Variants in CELSR2 observed in about 807,000 individuals in gnomAD.
CELSR2 encodes EGF-like protein 2.
CELSR2 carries 81 observed loss-of-function variants against 251.6 expected under a neutral mutation model. The observed-to-expected ratio is 0.32, with a 90% CI of 0.27 to 0.39. The LOEUF is 0.39. CELSR2 is among the 10% of genes least tolerant of loss of function. The pLI is 1.00. For synonymous variants in CELSR2, 1,721 were observed against 1,670.5 expected (o/e 1.03, Z -0.74); for missense variants, 3,365 against 3,947.7 (o/e 0.85, Z 3.96).
Position 109,269,481 on chromosome 1 carries a change from TGAG to T in CELSR2, c.6874_6876del (p.Glu2292del), listed in dbSNP as rs1656303978. 1 of 1,614,100 alleles carries T rather than the reference TGAG, an allele frequency of 6.2e-7. No homozygotes were observed. The highest frequency in any genetic ancestry group is 8.5e-7 in the Non-Finnish European group (1 of 1,180,014). ...TGGTGAGCATCAGCGTCCATGATGA[TGAG>T]GAGCTTCTGCCCCGGGCCCTGGACA... On this transcript the variant is annotated inframe_deletion, in exon 21 of 34. Coordinates refer to ENST00000271332, the MANE Select transcript of CELSR2 (RefSeq NM_001408.3). The surrounding 1 kb of genome is among the most constrained non-coding windows in gnomAD (Gnocchi z 6.4).
In CELSR2 at chr1:109,251,823, G is replaced by A. The variant is rs1655699590; in HGVS notation, c.1744G>A (p.Ala582Thr). 6.2e-7 allele frequency: 1 copy of A among 1,613,998 alleles called. No individual in the cohort carries two copies. Among genetic ancestry groups the A allele is most frequent in the Admixed American group, 1.7e-5 (1 of 60,002 alleles). Residue 582 changes from alanine (A) to threonine (T), a missense_variant, in exon 1 of 34, where the codon GCT (alanine) becomes ACT (threonine). By Grantham distance (58) the Ala-to-Thr change is moderately conservative. Around this residue, in one of 5 missense-constraint regions of CELSR2, gnomAD observed 704 missense variants for 784.1 expected, o/e 0.90. Coordinates refer to ENST00000271332, the MANE Select transcript of CELSR2 (RefSeq NM_001408.3). This position sits in a 1 kb window ranked among gnomAD's most constrained non-coding sequence, Gnocchi z 4.9. Reference protein sequence around the residue: ...EVDFYSFGVEARDHGTPALTA... With the variant: ...EVDFYSFGVETRDHGTPALTA... Reference sequence around the variant, plus strand: ...TGATTTCTACAGCTTTGGGGTAGAAGCTCGAGACCATGGCACTCCAGCACT... The same window carrying A: ...TGATTTCTACAGCTTTGGGGTAGAAACTCGAGACCATGGCACTCCAGCACT...
chr1:109,266,705 C>G (rs965833016), intron 15 of CELSR2, among the ~76,000 whole-genome samples: 1 of 147,474 alleles, frequency 6.8e-6, no homozygotes, highest in South Asian at 2.2e-4. Context: ...GCCACTGCAC[C>G]CCACCACATT....
chr1:109,257,230 G>A (rs536892324), intron 1 of CELSR2, among the ~76,000 whole-genome samples: 12 of 152,116 alleles, frequency 7.9e-5, no homozygotes, highest in Admixed American at 5.9e-4. Context: ...GTGAGCACCT[G>A]TGGTCTCAGC....
intron 23 of CELSR2, 33 bp from the exon 24 acceptor site, chr1:109,270,393 C>T (rs530412809): frequency 2.4e-5 from 38 of 1,610,722 alleles, no homozygotes; most frequent in Admixed American, 1.7e-4. Context: ...GGGCGGGCCC[C>T]GGTCGCTGAC....
rs373771470 is a variant in CELSR2, at chr1:109,273,256, G to A, written c.8429G>A (p.Arg2810Gln). ...AGTGGCAACGGGGCCCCTGAGGAGC[G>A]GCTGCGGGAGAATGGAGATGCCCTG... ...ESSGNGAPEE[R>Q]LRENGDALSR... The change falls in exon 32 of 34, where the codon CGG (arginine) becomes CAG (glutamine). Residue 2810 changes from arginine to glutamine, a missense_variant. Around this residue, in one of 5 missense-constraint regions of CELSR2, gnomAD observed 2,093 missense variants for 2,382.8 expected, o/e 0.88. Transcript: ENST00000271332. 9 of 1,611,718 alleles carry A rather than the reference G, an allele frequency of 5.6e-6. No homozygotes were observed. Among genetic ancestry groups the A allele is most frequent in the Non-Finnish European group, 7.6e-6 (9 of 1,178,946 alleles).
At position 109,273,496 on chromosome 1, in the gene CELSR2, C is replaced by A; in HGVS notation, c.8570C>A (p.Pro2857His). The A allele has an allele frequency of 6.2e-7, 1 of 1,611,280 alleles. No individual in the cohort carries two copies. The highest frequency in any genetic ancestry group is 8.5e-7 in the Non-Finnish European group (1 of 1,179,086). ...GAGAAGAGCAGCCTCCTGCGGCTCC[C>A]CCTGGAGCAATGCACAGGGTCTTCC... ...ISEKSSLLRL[P>H]LEQCTGSSRG... Residue 2857 changes from proline to histidine, a missense_variant, in exon 33 of 34, where the codon CCC becomes CAC. This residue lies in a region of CELSR2 where 2,093 missense variants were observed against 2,382.8 expected (regional missense o/e 0.88). Coordinates refer to ENST00000271332, the MANE Select transcript of CELSR2 (RefSeq NM_001408.3).
chr1:109,265,108 G>C, intron 12 of CELSR2, 83 bp from the exon 13 acceptor site: 1 of 1,591,568 alleles, frequency 6.3e-7, no homozygotes, highest in Admixed American at 1.7e-5. Flanking sequence ...CCACAGCCAG[G>C]GTCAGAAGGG....
In CELSR2 at chr1:109,258,897, C is replaced by G; in HGVS notation, c.3776C>G (p.Ser1259Cys). 6.2e-7 allele frequency: 1 copy of G among 1,612,612 alleles called. No individual in the cohort carries two copies. Among genetic ancestry groups the G allele is most frequent in the Non-Finnish European group, 8.5e-7 (1 of 1,179,528 alleles). ...TCCTCCGCGCCCTTCATCGCCTCCT[C>G]CTCCGTGCTCTTCCGGCCCATCCAC... is the stretch of plus-strand genomic sequence containing the variant. ...FDSSAPFIAS[S>C]SVLFRPIHPV... The change falls in exon 2 of 34, where the codon TCC becomes TGC. Residue 1259 changes from serine (S) to cysteine (C), a missense_variant. Ser to Cys is a moderately radical substitution (Grantham distance 112). Transcript: ENST00000271332.
In CELSR2 at chr1:109,271,045, T is replaced by A; in HGVS notation, c.7596+6T>A. 6.8e-6 allele frequency: 11 copies of A among 1,609,384 alleles called. No individual in the cohort carries two copies. Among genetic ancestry groups the A allele is most frequent in the Non-Finnish European group, 9.3e-6 (11 of 1,176,518 alleles). On this transcript the variant is annotated splice_donor_region_variant and intron_variant, in intron 25 of 33. Transcript: ENST00000271332. ...CGGTGGCCTTTGCCGTCTCGGTGAGTGCTAGCAGGTGGGTTGGGTGTCACC... is the reference window on the plus strand; with the variant it reads ...CGGTGGCCTTTGCCGTCTCGGTGAGAGCTAGCAGGTGGGTTGGGTGTCACC...
intron 6 of CELSR2, 78 bp from the exon 7 acceptor site, chr1:109,262,728 C>G (rs952578382): frequency 1.9e-6 from 3 of 1,571,754 alleles, no homozygotes; most frequent in Non-Finnish European, 2.6e-6. Flanking sequence ...GTTCGTGTCT[C>G]TGGCCTGGCG....
chr1:109,271,429 G>A lies in CELSR2; in HGVS notation c.7720G>A (p.Ala2574Thr), dbSNP rs751045325. 24 of 1,613,852 alleles carry A rather than the reference G, an allele frequency of 1.5e-5. No homozygotes were observed. Among genetic ancestry groups the A allele is most frequent in the East Asian group, 6.7e-5 (3 of 44,896 alleles). The change falls in exon 27 of 34, where the codon GCC (alanine) becomes ACC (threonine). Residue 2574 changes from alanine to threonine, a missense_variant. Ala to Thr is a moderately conservative substitution (Grantham distance 58, BLOSUM62 0). Around this residue, in one of 5 missense-constraint regions of CELSR2, gnomAD observed 2,093 missense variants for 2,382.8 expected, o/e 0.88. Coordinates refer to ENST00000271332, the MANE Select transcript of CELSR2 (RefSeq NM_001408.3). Reference sequence around the variant, plus strand: ...CTTCGCCGTCCTCCTGCTGCTGAGCGCCACGTGGCTGCTGGCACTGCTCTC... The same window carrying A: ...CTTCGCCGTCCTCCTGCTGCTGAGCACCACGTGGCTGCTGGCACTGCTCTC... ...PSFAVLLLLS[A>T]TWLLALLSVN...
At position 109,271,278 on chromosome 1, in the gene CELSR2, T is replaced by G; in HGVS notation, c.7658T>G (p.Phe2553Cys). ...TCCTGTGCTGCCCAGCGGCAGGGCT[T>G]TGAGAAGAAAGGTCCTGTGTGAGTA... Reference protein sequence around the residue: ...RASCAAQRQGFEKKGPVSGLQ... With the variant: ...RASCAAQRQGCEKKGPVSGLQ... Residue 2553 changes from phenylalanine (F) to cysteine (C), a missense_variant, in exon 26 of 34, where the codon TTT becomes TGT. Coordinates refer to ENST00000271332, the MANE Select transcript of CELSR2 (RefSeq NM_001408.3). 3 of 1,613,938 alleles carry G rather than the reference T, an allele frequency of 1.9e-6. 1 individual carries two copies. The South Asian group carries it at 3.3e-5, about 18-fold the overall frequency.
chr1:109,264,150 G>A lies in CELSR2; in HGVS notation c.5074G>A (p.Gly1692Ser), dbSNP rs1557733134. The A allele has an allele frequency of 6.2e-7, 1 of 1,609,490 alleles. No individual in the cohort carries two copies. Among genetic ancestry groups the A allele is most frequent in the South Asian group, 1.1e-5 (1 of 91,040 alleles). Residue 1692 changes from glycine (G) to serine (S), a missense_variant, in exon 10 of 34, where the codon GGC (glycine) becomes AGC (serine). Physicochemically the swap from Gly to Ser is moderately conservative, Grantham distance 56. Around this residue, in one of 5 missense-constraint regions of CELSR2, gnomAD observed 2,093 missense variants for 2,382.8 expected, o/e 0.88. Transcript: ENST00000271332. The part of the protein sequence containing the change: ...LQASSLRLEP[G>S]RANDGDWHHA... ...GGCCTCCTCTCTCCGTCTGGAGCCA[G>A]GCCGGGCCAATGACGGTGACTGGCA...
In CELSR2 at chr1:109,270,952, G is replaced by C. The variant is rs1570793651; in HGVS notation, c.7509G>C (p.Glu2503Asp). The C allele has an allele frequency of 6.2e-7, 1 of 1,613,708 alleles. No individual in the cohort carries two copies. Among genetic ancestry groups the C allele is most frequent in the African/African-American group, 1.3e-5 (1 of 74,876 alleles). Residue 2503 changes from glutamate (E) to aspartate (D), a missense_variant, in exon 25 of 34, where the codon GAG (glutamate) becomes GAC (aspartate). Around this residue, in one of 5 missense-constraint regions of CELSR2, gnomAD observed 2,093 missense variants for 2,382.8 expected, o/e 0.88. Transcript: ENST00000271332. Reference protein sequence around the residue: ...ITGLAVGLDPEGYGNPDFCWL... With the variant: ...ITGLAVGLDPDGYGNPDFCWL... ...GGCTAGCCGTGGGCCTGGACCCCGA[G>C]GGCTACGGGAACCCTGACTTCTGCT...
intron 1 of CELSR2, among the ~76,000 whole-genome samples, chr1:109,256,165 C>T (rs953954918): frequency 2.0e-5 from 3 of 152,102 alleles, no homozygotes; most frequent in South Asian, 2.1e-4. Flanking sequence ...CATCCTGGTG[C>T]GGGGAAGTCT....
Position 109,273,604 on chromosome 1 carries a change from A to C in CELSR2, c.8678A>C (p.Asn2893Thr). 1 of 1,547,430 alleles carries C rather than the reference A, an allele frequency of 6.5e-7. No individual in the cohort carries two copies. Among genetic ancestry groups the C allele is most frequent in the Non-Finnish European group, 8.7e-7 (1 of 1,145,194 alleles). Reference protein sequence around the residue: ...PPRQSLQEQLNGVMPIAMSIK... With the variant: ...PPRQSLQEQLTGVMPIAMSIK... ...CGGCAGAGCCTCCAGGAGCAGCTGA[A>C]CGGGGTCATGCCCATCGCCATGAGC... Residue 2893 changes from asparagine to threonine, a missense_variant, in exon 33 of 34, where the codon AAC becomes ACC. Physicochemically the swap from Asn to Thr is moderately conservative, Grantham distance 65. Transcript: ENST00000271332.
intron 15 of CELSR2, among the ~76,000 whole-genome samples, chr1:109,267,324 AG>A (rs571106043): frequency 1.5e-4 from 23 of 152,276 alleles, no homozygotes; most frequent in African/African-American, 5.3e-4. Flanking sequence ...GGGCTCAAGG[AG>A]GTCGTATGCC....
Position 109,258,682 on chromosome 1 carries a change from G to T in CELSR2, c.3561G>T (p.Val1187=), listed in dbSNP as rs1229131833. 1 of 1,548,372 alleles carries T rather than the reference G, an allele frequency of 6.5e-7. No individual in the cohort carries two copies. Among genetic ancestry groups the T allele is most frequent in the Non-Finnish European group, 8.7e-7 (1 of 1,145,356 alleles). The change falls in exon 2 of 34, where the codon GTG becomes GTT. Residue 1187 remains valine, a synonymous_variant. Transcript: ENST00000271332. The part of the protein sequence containing the change: ...GGHILNVSLS[V]GQPPGPGGGP... ...ACATCCTCAACGTGAGCCTGTCGGT[G>T]GGCCAGCCGCCAGGGCCCGGGGGCG...
At position 109,263,142 on chromosome 1, in the gene CELSR2, G is replaced by T; in HGVS notation, c.4709G>T (p.Gly1570Val). Residue 1570 changes from glycine (G) to valine (V), a missense_variant and splice_region_variant, in exon 8 of 34, where the codon GGC becomes GTC. Coordinates refer to ENST00000271332, the MANE Select transcript of CELSR2 (RefSeq NM_001408.3). ...DFIANNGTVP[G>V]CPAKKNVCDS... Reference sequence around the variant, plus strand: ...CTGAGCTGCCTTCTCTCCATTCCAGGCTGCCCTGCCAAGAAGAACGTGTGT... The same window carrying T: ...CTGAGCTGCCTTCTCTCCATTCCAGTCTGCCCTGCCAAGAAGAACGTGTGT... 2 of 1,596,904 alleles carry T rather than the reference G, an allele frequency of 1.3e-6. No individual in the cohort carries two copies. Among genetic ancestry groups the T allele is most frequent in the Non-Finnish European group, 1.7e-6 (2 of 1,166,066 alleles).
Sources: gnomAD v4.1 joint callset for allele counts (sites outside exome capture counted in the v4.1 genomes callset) on GRCh38, gnomAD v4.1.1 for gene constraint, gnomAD v4.1.1 regional missense constraint, Gnocchi (gnomAD v3.1) non-coding constraint, MANE v1.5 for transcripts, NCBI Gene and HGNC (gene_info 2026-07-23, HGNC 2026-07-21) for gene names.